Variants in SLC41A3 observed in about 807,000 individuals in gnomAD.
SLC41A3 encodes the protein solute carrier family 41 member 3, also known as SLC41A1-like 2.
SLC41A3 carries 44 observed loss-of-function variants against 45.4 expected under a neutral mutation model. That is an observed-to-expected ratio of 0.97 (90% confidence interval 0.76 to 1.25). The LOEUF is 1.25. SLC41A3 is among the 50% of genes most tolerant of loss of function. The pLI is 0.00. For synonymous variants in SLC41A3, 256 were observed against 252.4 expected, an observed-to-expected ratio of 1.01 and a Z score of -0.13; for missense variants, 550 against 600.6, an observed-to-expected ratio of 0.92 and a Z score of 0.88.
intron 5 of SLC41A3, chr3:126,023,142 A>C (rs1051229643): frequency 4.9e-6 from 3 of 611,956 alleles, no homozygotes; most frequent in Non-Finnish European, 8.4e-6. Flanking sequence ...TGGAGGCCTG[A>C]GAAGGCTGGG....
intron 3 of SLC41A3, among the ~76,000 whole-genome samples, chr3:126,046,103 A>G (rs1942942452): frequency 6.6e-6 from 1 of 152,072 alleles, no homozygotes; most frequent in Non-Finnish European, 1.5e-5. Flanking sequence ...ACCTCAACAT[A>G]ATAAAGGTTA....
intron 6 of SLC41A3, 46 bp from the exon 7 acceptor site, chr3:126,016,921 G>T: frequency 6.3e-7 from 1 of 1,597,690 alleles, no homozygotes. Flanking sequence ...GCCAAGGCCA[G>T]CACACACAGG....
At chr3:126,022,452 G>T (rs1940968848) in intron 6 of SLC41A3, among the ~76,000 whole-genome samples, 1 of 152,228 alleles carries the variant, frequency 6.6e-6, no homozygotes, top group Admixed American at 6.5e-5. Flanking sequence ...TGCTGGCGGG[G>T]ACTCTGTGGT....
chr3:126,097,229 T>C (rs1945620925), intron 1 of SLC41A3, among the ~76,000 whole-genome samples: 1 of 152,172 alleles, frequency 6.6e-6, no homozygotes, highest in Non-Finnish European at 1.5e-5. Flanking sequence ...CACAGGCCCA[T>C]CTGAGGCTTT....
intron 6 of SLC41A3, among the ~76,000 whole-genome samples, chr3:126,018,480 C>G (rs185495355): frequency 1.3e-5 from 2 of 152,330 alleles, no homozygotes; most frequent in African/African-American, 2.4e-5. Context: ...CAGGCAACAC[C>G]AGGATGGCAA....
intron 3 of SLC41A3, among the ~76,000 whole-genome samples, chr3:126,033,963 G>A (rs927706007): frequency 3.3e-5 from 5 of 151,652 alleles, no homozygotes; most frequent in Admixed American, 6.6e-5. Flanking sequence ...CACACACAGC[G>A]GTACACACAC....
At chr3:126,050,527 G>T (rs1398077281) in intron 3 of SLC41A3, among the ~76,000 whole-genome samples, 2 of 152,202 alleles carry the variant, frequency 1.3e-5, no homozygotes, top group Non-Finnish European at 2.9e-5. Flanking sequence ...ACTGAGAAAG[G>T]TTAATCTGGG....
At chr3:126,012,976 G>C (rs575454050) in intron 8 of SLC41A3, among the ~76,000 whole-genome samples, 1 of 152,238 alleles carries the variant, frequency 6.6e-6, no homozygotes, top group Admixed American at 6.5e-5. Flanking sequence ...CTTGACTGCT[G>C]GCATCTCTTA....
chr3:126,095,279 A>C, intron 1 of SLC41A3: 1 of 678,520 alleles, frequency 1.5e-6, no homozygotes, highest in Non-Finnish European at 2.7e-6. Flanking sequence ...GGAGGATCCC[A>C]AGGACCCCCT....
In SLC41A3 at chr3:126,006,905, G is replaced by T; in HGVS notation, c.*111C>A. 1.3e-6 allele frequency: 2 copies of T among 1,554,944 alleles called. No homozygotes were observed. The highest frequency in any genetic ancestry group is 8.7e-7 in the Non-Finnish European group (1 of 1,151,778). The stretch of plus-strand genomic sequence containing the variant: ...CTTAGCAGACTCACAAAAGGCTACT[G>T]CAGAGGCAGGGGTCAACCATCCCAA... On this transcript the variant is annotated 3_prime_UTR_variant, in exon 11 of 11. Transcript: ENST00000360370.
intron 10 of SLC41A3, among the ~76,000 whole-genome samples, chr3:126,008,470 TGTGTGGTGTGGAGTTTGTG>T (rs1391299144): frequency 3.3e-5 from 5 of 151,680 alleles, no homozygotes; most frequent in Non-Finnish European, 7.4e-5. Flanking sequence ...TGGGGTACAG[TGTGTGGTGTGGAGTTTGTG>T]GTGTGGTGTG....
intron 4 of SLC41A3, among the ~76,000 whole-genome samples, chr3:126,031,919 G>A (rs1391951085): frequency 1.3e-5 from 2 of 152,236 alleles, no homozygotes; most frequent in African/African-American, 4.8e-5. Flanking sequence ...CAGCTTAGCT[G>A]TGGGCAGCAG....
rs1941402661 is a variant in SLC41A3 at position 126,026,926 on chromosome 3, C to T, written c.454-447G>A. 6.6e-6 allele frequency among the ~76,000 whole-genome samples: 1 copy of T among 152,152 alleles called. No homozygotes were observed. The highest frequency in any genetic ancestry group is 6.5e-5 in the Admixed American group (1 of 15,278). On this transcript the variant is annotated intron_variant, in intron 4 of 10. Transcript: ENST00000360370. The surrounding 1 kb of genome is among the most constrained non-coding windows in gnomAD (Gnocchi z 4.2). ...GGACTTCACACACTTTTGGTCTCTC[C>T]TTTGGCACCCTGCTCACACCCTCCC...
rs189703788 is a variant in SLC41A3 at position 126,100,895 on chromosome 3, A to G, written c.-79+534T>C. 6.9e-4 allele frequency among the ~76,000 whole-genome samples: 105 copies of G among 152,318 alleles called. 3 individuals are homozygous for G. The South Asian group carries it at 0.021, about 30-fold the overall frequency. On this transcript the variant is annotated intron_variant, in intron 1 of 9. Transcript: ENST00000508835. ...CCTCTCAGCCCCCGTTCACTCATGC[A>G]TATTTTTGTTTATTATACTTCTAAA...
intron 1 of SLC41A3, among the ~76,000 whole-genome samples, chr3:126,090,816 T>A (rs931137823): frequency 2.0e-5 from 3 of 152,114 alleles, no homozygotes; most frequent in Admixed American, 6.5e-5. Context: ...GCATGTGAGA[T>A]TGTAAGGGCC....
At chr3:126,090,880 T>TA (rs1489497588) in intron 1 of SLC41A3, among the ~76,000 whole-genome samples, 1 of 152,168 alleles carries the variant, frequency 6.6e-6, no homozygotes, top group Non-Finnish European at 1.5e-5. Flanking sequence ...CAATAACAGA[T>TA]ACGAAGATGC....
intron 1 of SLC41A3, among the ~76,000 whole-genome samples, chr3:126,075,284 GTAAA>G (rs1944826705): frequency 6.6e-6 from 1 of 152,062 alleles, no homozygotes; most frequent in Non-Finnish European, 1.5e-5. Context: ...TAATCTAAAA[GTAAA>G]TAAATAAAAC....
chr3:126,055,360 A>T (rs1943586590), intron 2 of SLC41A3, among the ~76,000 whole-genome samples: 2 of 151,946 alleles, frequency 1.3e-5, no homozygotes, highest in Non-Finnish European at 2.9e-5. Flanking sequence ...TAAAAATACA[A>T]AAAAATTAGC....
intron 1 of SLC41A3, among the ~76,000 whole-genome samples, chr3:126,071,813 C>T (rs1281218993): frequency 4.0e-5 from 6 of 151,472 alleles, no homozygotes; most frequent in Non-Finnish European, 8.8e-5. Context: ...TTCTGGCACC[C>T]AGGCTGGAGT....
Sources: allele counts gnomAD v4.1 joint callset (sites outside exome capture counted in the v4.1 genomes callset), GRCh38; gene constraint gnomAD v4.1.1; non-coding constraint Gnocchi (gnomAD v3.1); transcripts MANE v1.5; gene names NCBI Gene and HGNC (gene_info 2026-07-23, HGNC 2026-07-21).